The following SOX5 variants were observed in gnomAD, a reference collection of about 807,000 sequenced individuals.
The protein encoded by SOX5 is transcription factor SOX-5.
Under a neutral mutation model 92.0 loss-of-function variants are expected in SOX5, and 9 were observed. That is an observed-to-expected ratio of 0.10 (90% CI 0.06 to 0.17). SOX5 has a LOEUF of 0.17. SOX5 is among the 10% of genes least tolerant of loss of function. The pLI is 1.00. For synonymous variants in SOX5, 344 were observed against 336.3 expected, an observed-to-expected ratio of 1.02 and a Z score of -0.25; for missense variants, 642 against 944.5, an observed-to-expected ratio of 0.68 and a Z score of 4.20.
At chr12:23,692,808 C>T (rs988400982) in intron 6 of SOX5, among the ~76,000 whole-genome samples, 5 of 152,164 alleles carry the variant, frequency 3.3e-5, no homozygotes, top group Non-Finnish European at 7.4e-5. Flanking sequence ...GTCACTATCT[C>T]TCTGAGGTTC....
intron 8 of SOX5, among the ~76,000 whole-genome samples, chr12:23,633,034 A>T (rs951456889): frequency 2.6e-5 from 4 of 152,164 alleles, no homozygotes; most frequent in Non-Finnish European, 4.4e-5. Flanking sequence ...ATTAAATAAG[A>T]TCATCCAAAA....
intron 1 of SOX5, among the ~76,000 whole-genome samples, chr12:24,392,964 C>T (rs1959150114): frequency 6.6e-6 from 1 of 152,122 alleles, no homozygotes; most frequent in Admixed American, 6.5e-5. Context: ...TCTTCATGTA[C>T]TAACTACATC....
At chr12:24,002,175 CAAG>C (rs1485519110) in intron 4 of SOX5, among the ~76,000 whole-genome samples, 5 of 151,808 alleles carry the variant, frequency 3.3e-5, no homozygotes, top group Admixed American at 2.0e-4. Flanking sequence ...TAACTCAAAG[CAAG>C]AAGAAGGCAG....
chr12:24,398,312 G>A (rs1960593053), intron 1 of SOX5, among the ~76,000 whole-genome samples: 1 of 152,134 alleles, frequency 6.6e-6, no homozygotes, highest in African/African-American at 2.4e-5. Flanking sequence ...AGACAAGCCT[G>A]AGCAACATAC....
chr12:24,298,798 A>AAAAC (rs1947603551), intron 2 of SOX5, among the ~76,000 whole-genome samples: 1 of 123,044 alleles, frequency 8.1e-6, no homozygotes, highest in Non-Finnish European at 2.0e-5. Flanking sequence ...AAAAAAAAAA[A>AAAAC]AACTACATTT....
intron 4 of SOX5, among the ~76,000 whole-genome samples, chr12:24,196,114 G>T (rs1191497296): frequency 6.6e-6 from 1 of 152,160 alleles, no homozygotes; most frequent in African/African-American, 2.4e-5. Context: ...TGAGTTTCTG[G>T]CCTCATGTGA....
intron 3 of SOX5, among the ~76,000 whole-genome samples, chr12:23,824,242 A>G (rs912240924): frequency 5.9e-5 from 9 of 152,076 alleles, no homozygotes; most frequent in African/African-American, 1.9e-4. Flanking sequence ...TTTTTTCCTC[A>G]TCTTTGTGGA....
At chr12:23,567,464 A>ATTTTTT (rs35620007) in intron 10 of SOX5, among the ~76,000 whole-genome samples, 18 of 119,142 alleles carry the variant, frequency 1.5e-4, no homozygotes, top group Non-Finnish European at 2.2e-4. Context: ...ATTTGATTTG[A>ATTTTTT]TTTTTTTTTT....
At chr12:23,948,136 T>C (rs1230626687) in intron 1 of SOX5, among the ~76,000 whole-genome samples, 4 of 151,728 alleles carry the variant, frequency 2.6e-5, no homozygotes, top group Admixed American at 2.6e-4. Context: ...AGAGTTAATA[T>C]ATAGAAGTGA....
intron 2 of SOX5, among the ~76,000 whole-genome samples, chr12:23,892,028 A>G (rs1416182773): frequency 6.6e-6 from 1 of 152,174 alleles, no homozygotes; most frequent in Non-Finnish European, 1.5e-5. Context: ...AATATCTAGT[A>G]TATGTTAGAT....
chr12:24,187,274 G>A (rs1956107901), intron 4 of SOX5, among the ~76,000 whole-genome samples: 1 of 152,156 alleles, frequency 6.6e-6, no homozygotes, highest in South Asian at 2.1e-4. Flanking sequence ...AATCACCTGG[G>A]ACAACAGCAA....
chr12:23,607,066 C>A (rs989700111), intron 8 of SOX5, among the ~76,000 whole-genome samples: 5 of 152,096 alleles, frequency 3.3e-5, no homozygotes, highest in African/African-American at 4.8e-5. Context: ...GCCCATAAAC[C>A]CTTTCTCATA....
intron 14 of SOX5, among the ~76,000 whole-genome samples, chr12:23,535,237 T>C (rs1940077254): frequency 6.6e-6 from 1 of 152,244 alleles, no homozygotes; most frequent in East Asian, 1.9e-4. Flanking sequence ...TAAATTTTAA[T>C]GGGAAAATCC....
At position 24,121,717 on chromosome 12, in the gene SOX5, TCTC is replaced by T. The variant is rs200053892; in HGVS notation, c.-2+91623_-2+91625del. Among the ~76,000 whole-genome samples the T allele has an allele frequency of 5.1e-3, 774 of 150,982 alleles. 11 individuals are homozygous for T. Among genetic ancestry groups the T allele is most frequent in the African/African-American group, 0.017 (719 of 41,156 alleles). The stretch of plus-strand genomic sequence containing the variant: ...GCTTGGGCAAGATGGTGAAACCCCA[TCTC>T]TACTAAAAATAAAAAATCAGCCAGG... On this transcript the variant is annotated intron_variant, in intron 4 of 4. Coordinates refer to the SOX5 transcript ENST00000446891.
At chr12:23,592,439 C>A (rs956916993) in intron 9 of SOX5, among the ~76,000 whole-genome samples, 7 of 152,070 alleles carry the variant, frequency 4.6e-5, no homozygotes, top group African/African-American at 1.7e-4. Flanking sequence ...TGGGATATTG[C>A]AATTTAAGTC....
At chr12:24,380,702 T>A (rs533941) in intron 1 of SOX5, among the ~76,000 whole-genome samples, 88,036 of 152,014 alleles carry the variant, frequency 0.58, 25,680 homozygotes, top group Non-Finnish European at 0.62. Flanking sequence ...TTAAAGGGCA[T>A]GTATTTTAAT....
intron 2 of SOX5, among the ~76,000 whole-genome samples, chr12:24,300,835 C>T (rs1314099748): frequency 1.3e-5 from 2 of 152,290 alleles, no homozygotes; most frequent in East Asian, 3.9e-4. Flanking sequence ...TTTAAAACTG[C>T]TTTCTGCTAT....
At chr12:24,249,486 T>C (rs935390929) in intron 3 of SOX5, among the ~76,000 whole-genome samples, 3 of 152,240 alleles carry the variant, frequency 2.0e-5, no homozygotes, top group African/African-American at 7.2e-5. Flanking sequence ...TGGTGTATCT[T>C]TTTTCTAATC....
chr12:24,146,330 T>C (rs1350968661), intron 4 of SOX5, among the ~76,000 whole-genome samples: 2 of 152,156 alleles, frequency 1.3e-5, no homozygotes, highest in Non-Finnish European at 2.9e-5. Flanking sequence ...GACAGTATAA[T>C]ATCAGGAACA....
Sources: allele counts gnomAD v4.1 joint callset (sites outside exome capture counted in the v4.1 genomes callset), GRCh38; gene constraint gnomAD v4.1.1; transcripts MANE v1.5; gene names NCBI Gene and HGNC (gene_info 2026-07-23, HGNC 2026-07-21).